Variants in DTD1 observed in about 807,000 individuals in gnomAD.
The protein encoded by DTD1 is D-aminoacyl-tRNA deacylase 1.
Under a neutral mutation model 25.6 loss-of-function variants are expected in DTD1, and 13 were observed. The ratio of observed to expected loss-of-function variants is 0.51; its 90% CI spans 0.33 to 0.81. The LOEUF is 0.81. Ranked by LOEUF, DTD1 falls within the 30% of genes least tolerant of loss-of-function variation. DTD1 has a pLI of 0.02. For synonymous variants in DTD1, 110 were observed against 103.6 expected, an observed-to-expected ratio of 1.06 and a Z score of -0.37; for missense variants, 193 against 266.4, an observed-to-expected ratio of 0.72 and a Z score of 1.92.
chr20:18,635,117 G>A (rs145033382), intron 4 of DTD1, among the ~76,000 whole-genome samples: 127 of 152,316 alleles, frequency 8.3e-4, no homozygotes, highest in Middle Eastern at 3.4e-3. Context: ...AACCAAGCTC[G>A]AGTTGTTGAC....
chr20:18,625,801 G>A (rs2060755169), intron 3 of DTD1, among the ~76,000 whole-genome samples: 1 of 152,228 alleles, frequency 6.6e-6, no homozygotes, highest in Non-Finnish European at 1.5e-5. Flanking sequence ...GAAGCCTGTG[G>A]GGTGAGAATG....
chr20:18,733,129 C>T (rs916653113), intron 4 of DTD1, among the ~76,000 whole-genome samples: 1 of 152,150 alleles, frequency 6.6e-6, no homozygotes, highest in Non-Finnish European at 1.5e-5. Flanking sequence ...GCACGTTAAC[C>T]ATCCCAGGTG....
At chr20:18,724,271 G>A (rs1044621741) in intron 4 of DTD1, among the ~76,000 whole-genome samples, 1 of 152,208 alleles carries the variant, frequency 6.6e-6, no homozygotes, top group Non-Finnish European at 1.5e-5. Context: ...AAAGAAGAAG[G>A]TGGGGCAGCG....
At chr20:18,698,307 G>A (rs114383724) in intron 4 of DTD1, 1 of 152,338 alleles carries the variant, frequency 6.6e-6, no homozygotes, top group African/African-American at 2.4e-5. Context: ...TCCAGCATCA[G>A]TGGACACCCA....
intron 4 of DTD1, among the ~76,000 whole-genome samples, chr20:18,633,359 A>T (rs1258701320): frequency 1.3e-5 from 2 of 152,076 alleles, no homozygotes; most frequent in African/African-American, 4.8e-5. Flanking sequence ...CTTCTCCAAG[A>T]ATCTCTGACC....
intron 3 of DTD1, among the ~76,000 whole-genome samples, chr20:18,626,505 G>A (rs1045998506): frequency 6.6e-6 from 1 of 152,168 alleles, no homozygotes; most frequent in African/African-American, 2.4e-5. Flanking sequence ...AAAGAAAGCT[G>A]GGACTTAATA....
intron 4 of DTD1, among the ~76,000 whole-genome samples, chr20:18,707,956 C>T (rs188653186): frequency 6.6e-6 from 1 of 151,010 alleles, no homozygotes; most frequent in Admixed American, 6.6e-5. Context: ...CTTTCCAGAA[C>T]CAGCCAGTGT....
chr20:18,670,140 T>C (rs1681802553), intron 4 of DTD1, among the ~76,000 whole-genome samples: 1 of 152,208 alleles, frequency 6.6e-6, no homozygotes, highest in South Asian at 2.1e-4. Context: ...AGCCGCTTGT[T>C]AGCGCTCTCA....
chr20:18,647,326 G>C (rs561171224), intron 4 of DTD1, among the ~76,000 whole-genome samples: 1 of 152,202 alleles, frequency 6.6e-6, no homozygotes, highest in South Asian at 2.1e-4. Context: ...ATAAGCCATG[G>C]TTTTTTTCTT....
chr20:18,702,864 C>T (rs1003318991), intron 4 of DTD1, among the ~76,000 whole-genome samples: 3 of 152,012 alleles, frequency 2.0e-5, no homozygotes, highest in Admixed American at 6.6e-5. Context: ...GTCAGTCATG[C>T]GTCCTGTTTT....
intron 4 of DTD1, chr20:18,631,967 A>T: frequency 1.1e-6 from 1 of 922,428 alleles, no homozygotes; most frequent in Non-Finnish European, 1.3e-6. Flanking sequence ...AAGTCTCAAG[A>T]TCTAATGTAC....
intron 4 of DTD1, among the ~76,000 whole-genome samples, chr20:18,735,640 G>C (rs2061252259): frequency 6.6e-6 from 1 of 152,234 alleles, no homozygotes; most frequent in Non-Finnish European, 1.5e-5. Context: ...AAGAGCTTAA[G>C]ATTTCAAGTT....
chr20:18,633,367 A>AC, intron 4 of DTD1, among the ~76,000 whole-genome samples: 1 of 151,362 alleles, frequency 6.6e-6, no homozygotes, highest in Non-Finnish European at 1.5e-5. Context: ...AGAATCTCTG[A>AC]CCCCCACAGT....
At chr20:18,659,306 CCACCATGA>C (rs1275510892) in intron 4 of DTD1, among the ~76,000 whole-genome samples, 2 of 152,148 alleles carry the variant, frequency 1.3e-5, no homozygotes, top group Non-Finnish European at 2.9e-5. Flanking sequence ...CTGTTGCTCC[CCACCATGA>C]GTGCCCAGGC....
Position 18,596,219 on chromosome 20 carries a change from A to T in DTD1, c.348A>T (p.Thr116=). 6.2e-7 allele frequency: 1 copy of T among 1,614,114 alleles called. No homozygotes were observed. The highest frequency in any genetic ancestry group is 8.5e-7 in the Non-Finnish European group (1 of 1,179,998). ...GCTTCCTGGAGCAGCTGCGTAAAAC[A>T]TACAGGCCGGAGCTTATCAAAGGTA... ...YNSFLEQLRK[T]YRPELIKDGK... is the part of the protein sequence containing the mutation. Residue 116 remains threonine, a synonymous_variant, in exon 3 of 6, where the codon ACA becomes ACT. Coordinates refer to ENST00000377452, the MANE Select transcript of DTD1 (RefSeq NM_080820.6).
chr20:18,755,553 G>T (rs1208472422), intron 5 of DTD1, among the ~76,000 whole-genome samples: 1 of 152,148 alleles, frequency 6.6e-6, no homozygotes, highest in Non-Finnish European at 1.5e-5. Flanking sequence ...AGTTTGCTGA[G>T]AATGATGGTT....
rs2061372247 is a variant in DTD1, at chr20:18,763,851, TC to T, written c.*512del. 3 of 152,234 alleles carry T rather than the reference TC, an allele frequency of 2.0e-5. No individual in the cohort carries two copies. The highest frequency in any genetic ancestry group is 2.9e-5 in the Non-Finnish European group (2 of 68,048). 9.4% of individuals were successfully genotyped at this position (152,234 alleles called of 1,614,324 possible). On this transcript the variant is annotated 3_prime_UTR_variant, in exon 6 of 6. Coordinates refer to ENST00000377452, the MANE Select transcript of DTD1 (RefSeq NM_080820.6). ...AGACCTTTGCATCTTGTAAATTTTC[TC>T]TTTTTTCTAAAAATAAATAATAATA...
intron 3 of DTD1, among the ~76,000 whole-genome samples, chr20:18,610,829 T>A (rs2060683723): frequency 9.0e-6 from 1 of 110,688 alleles, no homozygotes; most frequent in Admixed American, 9.4e-5. Context: ...GGAGGATCGC[T>A]TTCACACAGG....
At chr20:18,614,045 G>T (rs2122283267) in intron 3 of DTD1, among the ~76,000 whole-genome samples, 1 of 152,278 alleles carries the variant, frequency 6.6e-6, no homozygotes, top group East Asian at 1.9e-4. Context: ...GGCTCAAGTG[G>T]TCTGCCCGCC....
Sources: gnomAD v4.1 joint callset for allele counts (sites outside exome capture counted in the v4.1 genomes callset) on GRCh38, gnomAD v4.1.1 for gene constraint, MANE v1.5 for transcripts, NCBI Gene and HGNC (gene_info 2026-07-23, HGNC 2026-07-21) for gene names.